Variants in FAAH2 observed in about 807,000 individuals in gnomAD.
FAAH2 encodes fatty acid amide hydrolase 2.
In FAAH2, 60 loss-of-function variants were observed where a neutral mutation model predicts 36.9. The ratio of observed to expected loss-of-function variants is 1.63; its 90% CI spans 1.32 to 2.02. FAAH2 has a LOEUF of 2.02. Ranked by LOEUF, FAAH2 falls within the 30% of genes most tolerant of loss-of-function variation. FAAH2 has a pLI of 0.00. For synonymous variants in FAAH2, 214 were observed against 143.8 expected (o/e 1.49, Z -3.49); for missense variants, 689 against 397.5 (o/e 1.73, Z -6.23).
the FAAH2 span, among the ~76,000 whole-genome samples, chrX:57,225,993 C>T: frequency 1.8e-4 from 20 of 112,049 alleles, no homozygotes; most frequent in South Asian, 3.7e-4. Context: ...GCATGAAATG[C>T]CTTTTTGTAC....
chrX:57,426,584 C>A (rs1011498034), intron 7 of FAAH2, among the ~76,000 whole-genome samples: 1 of 111,496 alleles, frequency 9.0e-6, no homozygotes, highest in African/African-American at 3.2e-5. Context: ...AACTAGAAAT[C>A]AATTCCAAAA....
At chrX:57,396,377 T>C (rs927494413) in intron 7 of FAAH2, among the ~76,000 whole-genome samples, 14 of 100,206 alleles carry the variant, frequency 1.4e-4, no homozygotes, top group Non-Finnish European at 2.3e-4. Context: ...GGTTTAGTGT[T>C]TTTTTTTTTT....
At chrX:57,428,461 C>T (rs2056215040) in intron 7 of FAAH2, among the ~76,000 whole-genome samples, 1 of 111,511 alleles carries the variant, frequency 9.0e-6, no homozygotes, top group African/African-American at 3.3e-5. Flanking sequence ...GGAACTAAGT[C>T]GGATGCATCA....
At position 57,327,610 on chromosome X, in the gene FAAH2, C is replaced by G. The variant is rs747860815; in HGVS notation, c.413-3988C>G. ...CATTTGATCTTCCATCACTGGTACC[C>G]TTTCTTCCACTTGATCAAATCAGCT... On this transcript the variant is annotated intron_variant, in intron 3 of 10. Transcript: ENST00000374900. Among the ~76,000 whole-genome samples, 17 of 111,431 alleles carry G rather than the reference C, an allele frequency of 1.5e-4. No homozygotes were observed. The East Asian group carries it at 3.4e-3, about 22-fold the overall frequency.
the FAAH2 span, among the ~76,000 whole-genome samples, chrX:57,207,239 A>G: frequency 9.0e-6 from 1 of 111,105 alleles, no homozygotes; most frequent in Non-Finnish European, 1.9e-5. Flanking sequence ...CTCTTTCCCT[A>G]AATTTATAGG....
the FAAH2 span, among the ~76,000 whole-genome samples, chrX:57,154,120 T>G: frequency 1.8e-5 from 2 of 111,036 alleles, no homozygotes; most frequent in African/African-American, 6.5e-5. Context: ...AGCTCCGAAG[T>G]TCCTTCCTCT....
chrX:57,269,121 G>A, the FAAH2 span, among the ~76,000 whole-genome samples: 1 of 111,243 alleles, frequency 9.0e-6, no homozygotes, highest in East Asian at 2.8e-4. Context: ...GCATCAAAAA[G>A]GACACAGAAA....
At chrX:57,294,210 C>T (rs937555739) in intron 2 of FAAH2, among the ~76,000 whole-genome samples, 1 of 112,045 alleles carries the variant, frequency 8.9e-6, no homozygotes, top group Non-Finnish European at 1.9e-5. Flanking sequence ...TGGAGCTGTC[C>T]TTATGATTAC....
At chrX:57,128,630 T>C in the FAAH2 span, among the ~76,000 whole-genome samples, 35 of 110,795 alleles carry the variant, frequency 3.2e-4, no homozygotes, top group Non-Finnish European at 5.1e-4. Context: ...AATAAAACAA[T>C]AGGAAAGAAA....
At chrX:57,243,931 G>C in the FAAH2 span, among the ~76,000 whole-genome samples, 2 of 108,974 alleles carry the variant, frequency 1.8e-5, no homozygotes, top group South Asian at 4.0e-4. Flanking sequence ...TTCAGAAGGT[G>C]GATAATAACA....
At chrX:57,139,532 C>T in the FAAH2 span, among the ~76,000 whole-genome samples, 33 of 111,343 alleles carry the variant, frequency 3.0e-4, 1 homozygote, top group East Asian at 8.8e-3. Flanking sequence ...TGGCTCACTG[C>T]GAGCTCCTTC....
the FAAH2 span, among the ~76,000 whole-genome samples, chrX:57,239,647 GTC>G: frequency 2.7e-5 from 3 of 110,993 alleles, no homozygotes; most frequent in East Asian, 8.5e-4. Flanking sequence ...GTTGCTTTTT[GTC>G]TCTGTGTCTC....
chrX:57,326,362 G>A (rs2053216458), intron 3 of FAAH2, among the ~76,000 whole-genome samples: 1 of 114,316 alleles, frequency 8.7e-6, no homozygotes, highest in East Asian at 2.7e-4. Context: ...GGTCCGCTTG[G>A]TGCAGAGCTG....
At chrX:57,137,267 C>T in the FAAH2 span, 1 of 761,601 alleles carries the variant, frequency 1.3e-6, no homozygotes, top group East Asian at 1.5e-4. Context: ...TACCTCGATG[C>T]TGCCTCTGCT....
At chrX:57,395,218 A>T (rs929006113) in intron 7 of FAAH2, 7 of 571,708 alleles carry the variant, frequency 1.2e-5, no homozygotes, top group Non-Finnish European at 2.2e-5. Flanking sequence ...AGTGGCTTTC[A>T]TCCCAATCTC....
chrX:57,436,552 G>T (rs1017244819), intron 8 of FAAH2, among the ~76,000 whole-genome samples: 2 of 109,996 alleles, frequency 1.8e-5, no homozygotes, highest in South Asian at 3.8e-4. Context: ...CAACAAAATC[G>T]GAAAAGCAAA....
chrX:57,341,464 G>A, intron 5 of FAAH2, 74 bp downstream of exon 5: 4 of 1,069,049 alleles, frequency 3.7e-6, no homozygotes, highest in Non-Finnish European at 5.0e-6. Flanking sequence ...GTTCTAGCAG[G>A]ATTATCTTGC....
chrX:57,427,194 AT>A (rs1255883290), intron 7 of FAAH2, among the ~76,000 whole-genome samples: 2 of 110,954 alleles, frequency 1.8e-5, no homozygotes, highest in Non-Finnish European at 1.9e-5. Flanking sequence ...ACGGAAAAAA[AT>A]AGAAATCATG....
chrX:57,445,898 G>A (rs1408056615), intron 8 of FAAH2, among the ~76,000 whole-genome samples: 3 of 112,052 alleles, frequency 2.7e-5, no homozygotes, highest in Admixed American at 9.4e-5. Context: ...TTTTTCCAAG[G>A]CCTGTAGTCC....
Sources: allele counts gnomAD v4.1 joint callset (sites outside exome capture counted in the v4.1 genomes callset), GRCh38; gene constraint gnomAD v4.1.1; transcripts MANE v1.5; gene names NCBI Gene and HGNC (gene_info 2026-07-23, HGNC 2026-07-21).